Variants in ZFC3H1 observed in about 807,000 individuals in gnomAD.
ZFC3H1 encodes zinc finger C3H1-type containing.
ZFC3H1 carries 71 observed loss-of-function variants against 243.7 expected under a neutral mutation model. That is an observed-to-expected ratio of 0.29 (90% CI 0.24 to 0.36). ZFC3H1 has a LOEUF of 0.36. ZFC3H1 is among the 10% of genes least tolerant of loss of function. The probability of loss-of-function intolerance (pLI) is 1.00; values close to 1 mark genes in which losing one functional copy is unlikely to be tolerated. For missense variants in ZFC3H1, 1,966 were observed against 2,317.1 expected, an observed-to-expected ratio of 0.85 and a Z score of 3.11; for synonymous variants, 838 against 813.0, an observed-to-expected ratio of 1.03 and a Z score of -0.52.
At chr12:71,650,499 A>G (rs535488119) in intron 2 of ZFC3H1, among the ~76,000 whole-genome samples, 1 of 152,164 alleles carries the variant, frequency 6.6e-6, no homozygotes, top group South Asian at 2.1e-4. Flanking sequence ...TTACCAACTG[A>G]AAGTCTAATG....
chr12:71,649,850 C>CT (rs2137554810), intron 2 of ZFC3H1, among the ~76,000 whole-genome samples: 1 of 152,318 alleles, frequency 6.6e-6, no homozygotes, highest in African/African-American at 2.4e-5. Context: ...AGGCAAGTAT[C>CT]TATTAACATA....
Position 71,636,506 on chromosome 12 carries a change from G to T in ZFC3H1, c.2084C>A (p.Pro695Gln). The T allele has an allele frequency of 6.2e-7, 1 of 1,604,800 alleles. No homozygotes were observed. The highest frequency in any genetic ancestry group is 1.1e-5 in the South Asian group (1 of 89,084). Residue 695 changes from proline (P) to glutamine (Q), a missense_variant, in exon 9 of 35, where the codon CCA becomes CAA. By Grantham distance (76) the Pro-to-Gln change is moderately conservative. Around this residue, in one of 4 missense-constraint regions of ZFC3H1, gnomAD observed 1,383 missense variants for 1,723.7 expected, o/e 0.80. Coordinates refer to ENST00000378743, the MANE Select transcript of ZFC3H1 (RefSeq NM_144982.5). ...TGTTTTTACCGAGATCACAGTTCGT[G>T]GAAGACGGGGTCCTCTGTGAAACTT... ...NPKFHRGPRL[P>Q]RTVISLPKHK...
At chr12:71,646,893 A>T (rs1880743876) in intron 3 of ZFC3H1, among the ~76,000 whole-genome samples, 1 of 152,232 alleles carries the variant, frequency 6.6e-6, no homozygotes, top group African/African-American at 2.4e-5. Context: ...CTAGTCAGAC[A>T]AGCTCATTAA....
rs1011666175 is a variant in ZFC3H1, at chr12:71,634,443, A to G, written c.2361-139T>C. 4 of 1,129,046 alleles carry G rather than the reference A, an allele frequency of 3.5e-6. No individual in the cohort carries two copies. The African/African-American group carries it at 6.3e-5, about 18-fold the overall frequency. 69.9% of individuals were successfully genotyped at this position (1,129,046 alleles called of 1,614,324 possible). A position where few individuals can be genotyped will look rare whatever the true frequency, so the allele number is the denominator to read the frequency against. On this transcript the variant is annotated intron_variant, in intron 11 of 34. Coordinates refer to ENST00000378743, the MANE Select transcript of ZFC3H1 (RefSeq NM_144982.5). ...GATGATGACCAATATGCAAGACCCA[A>G]GTCAGCATTCAAAGTTGATAGTGGA...
At chr12:71,649,107 A>G (rs549832279) in intron 2 of ZFC3H1, among the ~76,000 whole-genome samples, 45 of 151,428 alleles carry the variant, frequency 3.0e-4, no homozygotes, top group African/African-American at 5.1e-4. Context: ...AAAAAAAAAA[A>G]AAAGAAAAGA....
intron 2 of ZFC3H1, chr12:71,656,566 A>G (rs768368581): frequency 6.2e-6 from 4 of 640,526 alleles, no homozygotes; most frequent in South Asian, 5.4e-5. Flanking sequence ...AGGGATACCT[A>G]CAAAAAAATT....
chr12:71,611,303 A>G (rs1879762366), intron 32 of ZFC3H1: 1 of 395,870 alleles, frequency 2.5e-6, no homozygotes, highest in Non-Finnish European at 4.3e-6. Context: ...ACTTTACAAG[A>G]AAAAAGCAGA....
intron 21 of ZFC3H1, 30 bp from the exon 22 acceptor site, chr12:71,626,476 C>A (rs749729557): frequency 6.9e-5 from 107 of 1,546,706 alleles, no homozygotes; most frequent in Non-Finnish European, 9.1e-5. Context: ...GGTGGAAGTG[C>A]TTTTTAGAAC....
chr12:71,629,283 A>G (rs1241339461), intron 19 of ZFC3H1, among the ~76,000 whole-genome samples: 1 of 151,246 alleles, frequency 6.6e-6, no homozygotes, highest in Non-Finnish European at 1.5e-5. Flanking sequence ...TTCCTGCCTC[A>G]GCCTCCCAAG....
chr12:71,633,523 CA>C lies in ZFC3H1; in HGVS notation c.2511-86del. On this transcript the variant is annotated intron_variant, in intron 12 of 34. Coordinates refer to ENST00000378743, the MANE Select transcript of ZFC3H1 (RefSeq NM_144982.5). ...TAAAAAAATTTTCAAAGTAATAACA[CA>C]ATTTTTAAAAATGCATCTACGAGAC... The C allele has an allele frequency of 9.7e-6, 11 of 1,137,748 alleles. 1 individual carries two copies. The South Asian group carries it at 1.7e-4, about 18-fold the overall frequency. The allele number at this position is 1,137,748 out of a possible 1,614,324, so 70.5% of individuals were successfully genotyped here. A position where few individuals can be genotyped will look rare whatever the true frequency, so the allele number is the denominator to read the frequency against.
At chr12:71,649,146 T>C (rs1880812457) in intron 2 of ZFC3H1, among the ~76,000 whole-genome samples, 1 of 148,050 alleles carries the variant, frequency 6.8e-6, no homozygotes, top group Admixed American at 6.7e-5. Context: ...ATAACACAAA[T>C]TTATATTTAC....
chr12:71,620,857 T>C lies in ZFC3H1; in HGVS notation c.4745-542A>G, dbSNP rs912047141. Among the ~76,000 whole-genome samples, 6 of 152,156 alleles carry C rather than the reference T, an allele frequency of 3.9e-5. No individual in the cohort carries two copies. In the South Asian group the frequency reaches 1.0e-3, roughly 26 times the overall value. On this transcript the variant is annotated intron_variant, in intron 24 of 34. Transcript: ENST00000378743. ...GTTTTACTTTGCCCAGCTGTGACCA[T>C]TTCCTCCTTACCCAATGGTACCACA...
chr12:71,615,161 A>C (rs893858060), intron 28 of ZFC3H1, 45 bp downstream of exon 28: 2 of 1,439,354 alleles, frequency 1.4e-6, no homozygotes, highest in Non-Finnish European at 1.9e-6. Flanking sequence ...ATAAATAGCA[A>C]ATGCAGGCCT....
chr12:71,647,474 A>G (rs1880757202), intron 3 of ZFC3H1, among the ~76,000 whole-genome samples: 1 of 152,192 alleles, frequency 6.6e-6, no homozygotes, highest in Non-Finnish European at 1.5e-5. Context: ...AAATATCTGG[A>G]TCAAAATTAA....
chr12:71,615,464 T>C, intron 27 of ZFC3H1, 148 bp from the exon 28 acceptor site: 2 of 617,232 alleles, frequency 3.2e-6, no homozygotes, highest in Non-Finnish European at 5.7e-6. Context: ...AGGTATACCA[T>C]ACCTCTTTGG....
chr12:71,648,215 T>C (rs1444939410), intron 2 of ZFC3H1, among the ~76,000 whole-genome samples: 1 of 152,216 alleles, frequency 6.6e-6, no homozygotes, highest in Non-Finnish European at 1.5e-5. Flanking sequence ...TTGGAATGAA[T>C]GCAATGTTTA....
chr12:71,624,948 CAG>C (rs1218536515), intron 22 of ZFC3H1, among the ~76,000 whole-genome samples: 5 of 152,134 alleles, frequency 3.3e-5, no homozygotes, highest in Non-Finnish European at 7.4e-5. Context: ...GCCTGGGTGA[CAG>C]AGCGAGACTC....
Position 71,635,293 on chromosome 12 carries a change from T to TA in ZFC3H1, c.2238+149dup. On this transcript the variant is annotated intron_variant, in intron 10 of 34. Transcript: ENST00000378743. ...CTACATTGATACATGCTTCATTATATAAAGTCCTAATAGCACAAATACTTA... is the reference window on the plus strand; with the variant it reads ...CTACATTGATACATGCTTCATTATATAAAAGTCCTAATAGCACAAATACTTA... The TA allele has an allele frequency of 3.0e-6, 3 of 987,294 alleles. No homozygotes were observed. In the South Asian group the frequency reaches 6.1e-5, roughly 20 times the overall value. The allele number at this position is 987,294 out of a possible 1,614,324, so 61.2% of individuals were successfully genotyped here. A position where few individuals can be genotyped will look rare whatever the true frequency, so the allele number is the denominator to read the frequency against.
In ZFC3H1 at chr12:71,631,812, AG is replaced by A; in HGVS notation, c.3435del (p.Tyr1146ThrfsTer6). 6.2e-7 allele frequency: 1 copy of A among 1,613,564 alleles called. No homozygotes were observed. Among genetic ancestry groups the A allele is most frequent in the Non-Finnish European group, 8.5e-7 (1 of 1,179,680 alleles). ...TTAAAAACTAGAAGAGGACTATGGTAGGGTCTAAAAGGACATGGCTTCACTT... is the reference window on the plus strand; with the variant it reads ...TTAAAAACTAGAAGAGGACTATGGTAGGTCTAAAAGGACATGGCTTCACTT... The part of the protein sequence containing the change: ...TMEVKPCPFR[P>X]YHSPLLVFKS... On this transcript the variant is annotated frameshift_variant, in exon 16 of 35. Transcript: ENST00000378743. LOFTEE classifies it high-confidence loss of function.
Sources: gnomAD v4.1 joint callset for allele counts (sites outside exome capture counted in the v4.1 genomes callset) on GRCh38, gnomAD v4.1.1 for gene constraint, gnomAD v4.1.1 regional missense constraint, MANE v1.5 for transcripts, NCBI Gene and HGNC (gene_info 2026-07-23, HGNC 2026-07-21) for gene names.